The following SLC6A14 variants were observed in gnomAD, a reference collection of about 807,000 sequenced individuals.
SLC6A14 encodes the protein solute carrier family 6 member 14, also known as sodium- and chloride-dependent neutral and basic amino acid transporter B(0+).
Under a neutral mutation model 51.4 loss-of-function variants are expected in SLC6A14, and 21 were observed. The ratio of observed to expected loss-of-function variants is 0.41; its 90% CI spans 0.29 to 0.59. The LOEUF is 0.59. Ranked by LOEUF, SLC6A14 falls within the 20% of genes least tolerant of loss-of-function variation. The probability of loss-of-function intolerance (pLI) is 0.31; values close to 1 mark genes in which losing one functional copy is unlikely to be tolerated. For missense variants in SLC6A14, 371 were observed against 472.8 expected (o/e 0.78, Z 2.00); for synonymous variants, 177 against 160.7 (o/e 1.10, Z -0.77).
At chrX:116,443,880 C>T (rs1927652733) in intron 5 of SLC6A14, 90 bp downstream of exon 5, 2 of 710,759 alleles carry the variant, frequency 2.8e-6, no homozygotes, top group Admixed American at 4.0e-5. Flanking sequence ...TTCCTTAACT[C>T]ACATAAATAG....
At position 116,440,871 on chromosome X, in the gene SLC6A14, A is replaced by G. The variant is rs1429535716; in HGVS notation, c.215-95A>G. On this transcript the variant is annotated intron_variant, in intron 2 of 13. Coordinates refer to ENST00000598581, the MANE Select transcript of SLC6A14 (RefSeq NM_007231.5). Reference sequence around the variant, plus strand: ...AAACCCAGCGCTCTTTGATTCCAATATATCAGGATGCTTTTAAAGTGTTAT... The same window carrying G: ...AAACCCAGCGCTCTTTGATTCCAATGTATCAGGATGCTTTTAAAGTGTTAT... 4 of 949,741 alleles carry G rather than the reference A, an allele frequency of 4.2e-6. No individual in the cohort carries two copies. The African/African-American group carries it at 5.9e-5, about 14-fold the overall frequency. 78.3% of individuals were successfully genotyped at this position (949,741 alleles called of 1,213,427 possible).
chrX:116,456,170 C>A (rs1927930582), intron 12 of SLC6A14, among the ~76,000 whole-genome samples: 1 of 110,706 alleles, frequency 9.0e-6, no homozygotes, highest in Admixed American at 9.6e-5. Context: ...TGATTATGGA[C>A]TAGAAATAAT....
At chrX:116,445,081 T>C (rs368718113) in intron 6 of SLC6A14, 31 bp downstream of exon 6, 7 of 1,132,756 alleles carry the variant, frequency 6.2e-6, no homozygotes, top group Non-Finnish European at 8.2e-6. Context: ...GATAGCGATA[T>C]AGCAGCTTTC....
chrX:116,442,211 C>T (rs1170584950), intron 3 of SLC6A14, among the ~76,000 whole-genome samples: 2 of 111,715 alleles, frequency 1.8e-5, no homozygotes, highest in African/African-American at 6.5e-5. Flanking sequence ...GAAAATTACT[C>T]AGACAGCATT....
At chrX:116,446,037 C>A (rs782350880) in intron 6 of SLC6A14, among the ~76,000 whole-genome samples, 1 of 104,004 alleles carries the variant, frequency 9.6e-6, no homozygotes, top group Non-Finnish European at 2.0e-5. Flanking sequence ...TTTACCCAGG[C>A]GATTAATTTT....
chrX:116,442,603 A>C (rs1927621024), intron 3 of SLC6A14, 84 bp from the exon 4 acceptor site: 2 of 751,801 alleles, frequency 2.7e-6, no homozygotes, highest in Admixed American at 7.5e-5. Context: ...ATTTTGTGGT[A>C]ATTGAGATAC....
At position 116,458,863 on chromosome X, in the gene SLC6A14, C is replaced by T; in HGVS notation, c.1837C>T (p.His613Tyr). ...ASNWGPYLEQ[H>Y]RGERYKDMVD... ...TAACTGGGGTCCATACCTGGAACAACATCGTGGGGAAAGATATAAAGACAT... is the reference window on the plus strand; with the variant it reads ...TAACTGGGGTCCATACCTGGAACAATATCGTGGGGAAAGATATAAAGACAT... The change falls in exon 14 of 14, where the codon CAT becomes TAT. Residue 613 changes from histidine (H) to tyrosine (Y), a missense_variant. His to Tyr is a moderately conservative substitution (Grantham distance 83). Around this residue, in one of 2 missense-constraint regions of SLC6A14, gnomAD observed 94 missense variants for 81.0 expected, o/e 1.16. Coordinates refer to ENST00000598581, the MANE Select transcript of SLC6A14 (RefSeq NM_007231.5). 8.3e-7 allele frequency: 1 copy of T among 1,204,414 alleles called. No individual in the cohort carries two copies. Among genetic ancestry groups the T allele is most frequent in the Non-Finnish European group, 1.1e-6 (1 of 891,278 alleles).
chrX:116,438,450 G>T lies in SLC6A14; in HGVS notation c.214+495G>T, dbSNP rs919741750. On this transcript the variant is annotated intron_variant, in intron 2 of 13. Transcript: ENST00000598581. ...AGAGATGATTAAAAAGTAATTAAAG[G>T]TTTAGTATTTTAAGTTGCAATATTG... 4.5e-5 allele frequency among the ~76,000 whole-genome samples: 5 copies of T among 112,102 alleles called. No individual in the cohort carries two copies. In the Admixed American group the frequency reaches 4.7e-4, roughly 11 times the overall value.
At position 116,457,656 on chromosome X, in the gene SLC6A14, C is replaced by A. The variant is rs187409232; in HGVS notation, c.1662C>A (p.Gly554=). Residue 554 remains glycine, a synonymous_variant, in exon 13 of 14, where the codon GGC becomes GGA. Transcript: ENST00000598581. ...TGCAATTTCATAGACCTAATTATGGCGCAATTCCATACCCTGACTGGGGAG... is the reference window on the plus strand; with the variant it reads ...TGCAATTTCATAGACCTAATTATGGAGCAATTCCATACCCTGACTGGGGAG... ...SLVQFHRPNY[G]AIPYPDWGVA... 1.7e-6 allele frequency: 2 copies of A among 1,205,127 alleles called. No homozygotes were observed. Among genetic ancestry groups the A allele is most frequent in the East Asian group, 3.0e-5 (1 of 33,703 alleles).
At chrX:116,443,939 C>A in intron 5 of SLC6A14, 149 bp downstream of exon 5, 1 of 479,980 alleles carries the variant, frequency 2.1e-6, no homozygotes, top group Non-Finnish European at 3.3e-6. Flanking sequence ...CAAATGTCTA[C>A]CTATCCCAGG....
At chrX:116,447,591 C>CTTTT (rs782273399) in intron 7 of SLC6A14, among the ~76,000 whole-genome samples, 5 of 91,929 alleles carry the variant, frequency 5.4e-5, no homozygotes, top group African/African-American at 1.2e-4. Context: ...GCTTTCACTT[C>CTTTT]TTTTTTTTTT....
At chrX:116,440,830 A>C (rs1388579883) in intron 2 of SLC6A14, 136 bp from the exon 3 acceptor site, 12 of 563,723 alleles carry the variant, frequency 2.1e-5, no homozygotes, top group East Asian at 1.8e-4. Flanking sequence ...CATAGAAAGC[A>C]GTGAACTTTA....
At chrX:116,444,254 G>A (rs1057494250) in intron 5 of SLC6A14, among the ~76,000 whole-genome samples, 7 of 111,727 alleles carry the variant, frequency 6.3e-5, no homozygotes, top group African/African-American at 1.6e-4. Context: ...AATTTCAAAC[G>A]ATCTCTCTAC....
Position 116,440,850 on chromosome X carries a change from C to T in SLC6A14, c.215-116C>T. ...AAAGCAGTGAACTTTAGGCCCAAAC[C>T]CAGCGCTCTTTGATTCCAATATATC... On this transcript the variant is annotated intron_variant, in intron 2 of 13. Coordinates refer to ENST00000598581, the MANE Select transcript of SLC6A14 (RefSeq NM_007231.5). 3 of 785,303 alleles carry T rather than the reference C, an allele frequency of 3.8e-6. No homozygotes were observed. The South Asian group carries it at 8.5e-5, about 22-fold the overall frequency. 64.7% of individuals were successfully genotyped at this position (785,303 alleles called of 1,213,427 possible). A position where few individuals can be genotyped will look rare whatever the true frequency, so the allele number is the denominator to read the frequency against.
At position 116,442,751 on chromosome X, in the gene SLC6A14, C is replaced by T; in HGVS notation, c.411C>T (p.Ala137=). ...CAATCTATTACAATGTCATAATTGC[C>T]TATAGTCTTTACTACATGTTTGCTT... ...FVTIYYNVII[A]YSLYYMFASF... is the part of the protein sequence containing the mutation. The change falls in exon 4 of 14, where the codon GCC becomes GCT. Residue 137 remains alanine, a synonymous_variant. Coordinates refer to ENST00000598581, the MANE Select transcript of SLC6A14 (RefSeq NM_007231.5). 1 of 1,183,222 alleles carries T rather than the reference C, an allele frequency of 8.5e-7. No homozygotes were observed. The highest frequency in any genetic ancestry group is 1.1e-6 in the Non-Finnish European group (1 of 879,995).
chrX:116,438,507 G>A (rs1300902251), intron 2 of SLC6A14, among the ~76,000 whole-genome samples: 3 of 112,106 alleles, frequency 2.7e-5, no homozygotes, highest in African/African-American at 9.7e-5. Flanking sequence ...GACTGACTAT[G>A]TAGAAGATCC....
At chrX:116,452,751 G>T (rs1322762024) in intron 8 of SLC6A14, among the ~76,000 whole-genome samples, 2 of 111,454 alleles carry the variant, frequency 1.8e-5, no homozygotes, top group African/African-American at 3.2e-5. Context: ...ACTATTAAAA[G>T]AATTAAAATT....
At chrX:116,442,351 G>A (rs371463619) in intron 3 of SLC6A14, among the ~76,000 whole-genome samples, 109 of 111,512 alleles carry the variant, frequency 9.8e-4, no homozygotes, top group Non-Finnish European at 1.7e-3. Context: ...AGCAACCTCC[G>A]CCTCCCAAGG....
At chrX:116,457,843 T>C in intron 13 of SLC6A14, 67 bp downstream of exon 13, 1 of 818,530 alleles carries the variant, frequency 1.2e-6, no homozygotes, top group Non-Finnish European at 1.8e-6. Context: ...ATTAATTTAC[T>C]CACATGGTAG....
Sources: gnomAD v4.1 joint callset for allele counts (sites outside exome capture counted in the v4.1 genomes callset) on GRCh38, gnomAD v4.1.1 for gene constraint, gnomAD v4.1.1 regional missense constraint, MANE v1.5 for transcripts, NCBI Gene and HGNC (gene_info 2026-07-23, HGNC 2026-07-21) for gene names.